The following ZZEF1 variants were observed in gnomAD, a reference collection of about 807,000 sequenced individuals.
ZZEF1 encodes zinc finger ZZ-type and EF-hand domain-containing protein 1.
In ZZEF1, 157 loss-of-function variants were observed where a neutral mutation model predicts 342.8. The ratio of observed to expected loss-of-function variants is 0.46; its 90% CI spans 0.40 to 0.52. ZZEF1 has a LOEUF of 0.52. Ranked by LOEUF, ZZEF1 falls within the 20% of genes least tolerant of loss-of-function variation. The pLI, the probability that ZZEF1 is intolerant of heterozygous loss-of-function variation, is 0.00. For synonymous variants in ZZEF1, 1,505 were observed against 1,429.1 expected (o/e 1.05, Z -1.20); for missense variants, 3,480 against 3,725.6 (o/e 0.93, Z 1.72).
At position 4,142,998 on chromosome 17, in the gene ZZEF1, G is replaced by A. The variant is rs1219612736; in HGVS notation, c.-103C>T. 3.1e-6 allele frequency: 4 copies of A among 1,270,142 alleles called. No homozygotes were observed. The highest frequency in any genetic ancestry group is 6.4e-5 in the East Asian group (2 of 31,452). 78.7% of individuals were successfully genotyped at this position (1,270,142 alleles called of 1,614,324 possible). On this transcript the variant is annotated 5_prime_UTR_variant, in exon 1 of 55. Coordinates refer to ENST00000381638, the MANE Select transcript of ZZEF1 (RefSeq NM_015113.4). ...AGCTGGCGGGCGGGGACGCGGAGGA[G>A]ACGACGGCGGCCCCTGCGGCTTCCG...
At chr17:4,097,521 C>A (rs1398173817) in intron 9 of ZZEF1, among the ~76,000 whole-genome samples, 2 of 149,356 alleles carry the variant, frequency 1.3e-5, no homozygotes, top group African/African-American at 2.5e-5. Context: ...GGTGTCCTAG[C>A]CAACATACCC....
chr17:4,116,774 A>G (rs2058401010), intron 3 of ZZEF1, among the ~76,000 whole-genome samples, 198 bp downstream of exon 3: 1 of 152,224 alleles, frequency 6.6e-6, no homozygotes. Context: ...GTCACATCTG[A>G]GCAGAGAATT....
intron 17 of ZZEF1, among the ~76,000 whole-genome samples, 188 bp from the exon 18 acceptor site, chr17:4,081,678 C>T (rs1422820741): frequency 6.6e-6 from 1 of 152,226 alleles, no homozygotes; most frequent in East Asian, 1.9e-4. Context: ...CATGTGCTTC[C>T]ATTAGCACAG....
chr17:4,111,903 G>A (rs1441832591), intron 5 of ZZEF1, among the ~76,000 whole-genome samples: 3 of 144,942 alleles, frequency 2.1e-5, no homozygotes, highest in East Asian at 2.0e-4. Context: ...CAGGCATCGC[G>A]GTGCATGTCT....
Position 4,021,144 on chromosome 17 carries a change from G to A in ZZEF1, c.7389C>T (p.Thr2463=). The A allele has an allele frequency of 6.2e-7, 1 of 1,612,042 alleles. No homozygotes were observed. The change falls in exon 45 of 55, where the codon ACC becomes ACT. Residue 2463 remains threonine (T), a synonymous_variant. Transcript: ENST00000381638. ...AAGAACACACCAAGAAACATATTCT[G>A]GTGGGCTCATCCAGGCCCTCAAGGG... is the stretch of plus-strand genomic sequence containing the variant. ...LDPLEGLDEP[T]RICFLMAHDA...
At chr17:4,078,432 A>G (rs1366354329) in intron 18 of ZZEF1, among the ~76,000 whole-genome samples, 1 of 152,050 alleles carries the variant, frequency 6.6e-6, no homozygotes, top group Admixed American at 6.6e-5. Flanking sequence ...TCTAACCATC[A>G]CCTTTGTTCT....
chr17:4,117,014 C>T lies in ZZEF1; in HGVS notation c.652G>A (p.Val218Ile), dbSNP rs757662818. ...CNNMCTMRSS[V>I]LKESLDQLVQ... ...AGCTGATCCAGAGACTCCTTCAGGA[C>T]GGAAGACCGCATGGTGCACATGTTA... Residue 218 changes from valine to isoleucine, a missense_variant, in exon 3 of 55, where the codon GTC becomes ATC. By Grantham distance (29) the Val-to-Ile change is conservative. Transcript: ENST00000381638. The T allele has an allele frequency of 3.0e-5, 49 of 1,613,142 alleles. No individual in the cohort carries two copies. The highest frequency in any genetic ancestry group is 8.9e-5 in the East Asian group (4 of 44,846).
chr17:4,105,741 G>A lies in ZZEF1; in HGVS notation c.1346C>T (p.Ser449Phe). The A allele has an allele frequency of 2.5e-6, 4 of 1,613,500 alleles. No individual in the cohort carries two copies. The highest frequency in any genetic ancestry group is 3.4e-6 in the Non-Finnish European group (4 of 1,179,796). Reference protein sequence around the residue: ...PGSTDFSTFLSPNVLEEVDSF... With the variant: ...PGSTDFSTFLFPNVLEEVDSF... ...GTCCACTTCTTCCAGCACATTAGGG[G>A]AGAGGAAAGTTGAGAAATCTGTAGA... The change falls in exon 7 of 55, where the codon TCC becomes TTC. Residue 449 changes from serine to phenylalanine, a missense_variant. Ser to Phe is a radical substitution (Grantham distance 155). Coordinates refer to ENST00000381638, the MANE Select transcript of ZZEF1 (RefSeq NM_015113.4).
In ZZEF1 at chr17:4,088,702, A is replaced by G; in HGVS notation, c.2217T>C (p.Phe739=). 6.2e-7 allele frequency: 1 copy of G among 1,614,048 alleles called. No homozygotes were observed. Residue 739 remains phenylalanine (F), a synonymous_variant, in exon 13 of 55, where the codon TTT becomes TTC. Transcript: ENST00000381638. The part of the protein sequence containing the change: ...GATLLLRTLQ[F]IQQLAHDLVQ... ...CCAGGTCATGGGCGAGCTGCTGGAT[A>G]AACTGAAGGGTCCTGAGGAGCAACG...
At chr17:4,114,530 T>A (rs997619516) in intron 3 of ZZEF1, 60 bp from the exon 4 acceptor site, 2 of 1,313,386 alleles carry the variant, frequency 1.5e-6, no homozygotes, top group African/African-American at 1.5e-5. Context: ...AAAAAAAGAG[T>A]CATTTAAAAT....
At position 4,024,185 on chromosome 17, in the gene ZZEF1, G is replaced by GTTTTTT. The variant is rs1491483468; in HGVS notation, c.7092+733_7092+734insAAAAAA. 4.9e-4 allele frequency among the ~76,000 whole-genome samples: 41 copies of GTTTTTT among 83,966 alleles called. 2 individuals are homozygous for GTTTTTT. Among genetic ancestry groups the GTTTTTT allele is most frequent in the African/African-American group, 2.6e-3 (37 of 14,074 alleles). The allele number at this position is 83,966 out of a possible 152,430, so 55.1% of individuals were successfully genotyped here. The stretch of plus-strand genomic sequence containing the variant: ...TCATCTCCATGCCAAATATTGCCCA[G>GTTTTTT]GTTTTTTTTTTTTTTTTTTTTTTTT... On this transcript the variant is annotated intron_variant, in intron 43 of 54. Transcript: ENST00000381638.
chr17:4,088,671 G>C lies in ZZEF1; in HGVS notation c.2241+7C>G. The C allele has an allele frequency of 5.0e-6, 8 of 1,613,128 alleles. No individual in the cohort carries two copies. Among genetic ancestry groups the C allele is most frequent in the Non-Finnish European group, 6.8e-6 (8 of 1,179,852 alleles). On this transcript the variant is annotated splice_region_variant and intron_variant, in intron 13 of 54. Transcript: ENST00000381638. ...GGAATGCCGTCTAACAACTGAGGAA[G>C]CCCTACCAGGTCATGGGCGAGCTGC...
At chr17:4,104,116 A>G (rs1813382109) in intron 8 of ZZEF1, among the ~76,000 whole-genome samples, 1 of 152,204 alleles carries the variant, frequency 6.6e-6, no homozygotes, top group African/African-American at 2.4e-5. Flanking sequence ...AAAAGTGCTC[A>G]TATGAATTAC....
intron 46 of ZZEF1, among the ~76,000 whole-genome samples, chr17:4,018,540 C>T (rs12942967): frequency 0.16 from 24,865 of 151,940 alleles, 2,324 homozygotes; most frequent in East Asian, 0.26. Context: ...TGGAGGTTTA[C>T]GAACAGAAAA....
At position 4,005,051 on chromosome 17, in the gene ZZEF1, G is replaced by A. The variant is rs984043540; in HGVS notation, c.*1839C>T. On this transcript the variant is annotated 3_prime_UTR_variant, in exon 55 of 55. Transcript: ENST00000381638. The stretch of plus-strand genomic sequence containing the variant: ...CTACCGCCCGCTTTACTCGGAGTCT[G>A]GGGTGTGGAGGGGCGTGGGTGGCGC... 2.6e-5 allele frequency: 4 copies of A among 152,414 alleles called. No homozygotes were observed. The highest frequency in any genetic ancestry group is 9.6e-5 in the African/African-American group (4 of 41,470). 9.4% of individuals were successfully genotyped at this position (152,414 alleles called of 1,614,324 possible).
intron 34 of ZZEF1, among the ~76,000 whole-genome samples, chr17:4,053,304 T>C: frequency 6.6e-6 from 1 of 152,198 alleles, no homozygotes; most frequent in Non-Finnish European, 1.5e-5. Flanking sequence ...CATTTCAGCA[T>C]GGCCATCTAA....
intron 42 of ZZEF1, among the ~76,000 whole-genome samples, 154 bp from the exon 43 acceptor site, chr17:4,025,272 A>C (rs914998922): frequency 2.0e-4 from 31 of 152,250 alleles, no homozygotes; most frequent in African/African-American, 7.5e-4. Flanking sequence ...GCCAGCTTGC[A>C]GGTAAACACA....
intron 9 of ZZEF1, among the ~76,000 whole-genome samples, chr17:4,101,567 G>A (rs1267592349): frequency 6.6e-6 from 1 of 152,204 alleles, no homozygotes; most frequent in Non-Finnish European, 1.5e-5. Context: ...TAGGAAAAGA[G>A]TGAGGCTTCC....
At chr17:4,045,859 G>A (rs550510579) in intron 37 of ZZEF1, among the ~76,000 whole-genome samples, 12 of 146,458 alleles carry the variant, frequency 8.2e-5, no homozygotes, top group African/African-American at 2.3e-4. Context: ...ATGGAGTCTC[G>A]CTCTGTTACC....
Sources: gnomAD v4.1 joint callset for allele counts (sites outside exome capture counted in the v4.1 genomes callset) on GRCh38, gnomAD v4.1.1 for gene constraint, MANE v1.5 for transcripts, NCBI Gene and HGNC (gene_info 2026-07-23, HGNC 2026-07-21) for gene names.